The following EXT1 variants were observed in gnomAD, a reference collection of about 807,000 sequenced individuals.
EXT1 encodes exostosin-1.
In EXT1, 20 loss-of-function variants were observed where a neutral mutation model predicts 82.5. That is an observed-to-expected ratio of 0.24 (90% CI 0.17 to 0.35). The LOEUF is 0.35. EXT1 is among the 10% of genes least tolerant of loss of function. The probability of loss-of-function intolerance (pLI) is 1.00; values close to 1 mark genes in which losing one functional copy is unlikely to be tolerated. For missense variants in EXT1, 757 were observed against 936.5 expected (o/e 0.81, Z 2.50); for synonymous variants, 348 against 350.8 (o/e 0.99, Z 0.09).
At chr8:117,994,333 TG>T (rs976694714) in intron 1 of EXT1, among the ~76,000 whole-genome samples, 11 of 152,162 alleles carry the variant, frequency 7.2e-5, no homozygotes, top group African/African-American at 2.7e-4. Context: ...TTGGATCAGC[TG>T]GGCACAGTTG....
At chr8:117,986,195 T>C (rs200378479) in intron 1 of EXT1, among the ~76,000 whole-genome samples, 16 of 147,166 alleles carry the variant, frequency 1.1e-4, no homozygotes, top group African/African-American at 2.8e-4. Flanking sequence ...TTCTTTTTTT[T>C]TTTTTTTTTT....
intron 1 of EXT1, among the ~76,000 whole-genome samples, chr8:117,910,869 A>C (rs1292064038): frequency 1.3e-5 from 2 of 152,232 alleles, no homozygotes; most frequent in Non-Finnish European, 2.9e-5. Flanking sequence ...TGTCTCAGAA[A>C]TAGCTTTGCT....
At chr8:118,017,293 T>C (rs1394253518) in intron 1 of EXT1, among the ~76,000 whole-genome samples, 1 of 152,210 alleles carries the variant, frequency 6.6e-6, no homozygotes, top group African/African-American at 2.4e-5. Context: ...CCTGGGTTAA[T>C]AATAGAACAC....
intron 1 of EXT1, among the ~76,000 whole-genome samples, chr8:118,103,067 C>T (rs1429321012): frequency 1.3e-5 from 2 of 152,136 alleles, no homozygotes; most frequent in Admixed American, 6.5e-5. Context: ...GCAGGAGAAT[C>T]GCTTGAATCC....
chr8:117,886,308 C>A (rs1813147594), intron 1 of EXT1, among the ~76,000 whole-genome samples: 1 of 152,154 alleles, frequency 6.6e-6, no homozygotes, highest in Admixed American at 6.5e-5. Flanking sequence ...GCACTGAATT[C>A]ATTCTCATGG....
chr8:117,964,691 G>A (rs544404222), intron 1 of EXT1, among the ~76,000 whole-genome samples: 50 of 152,120 alleles, frequency 3.3e-4, no homozygotes, highest in Non-Finnish European at 6.2e-4. Flanking sequence ...CGGCTGGAGT[G>A]TAGTGGCATG....
intron 1 of EXT1, among the ~76,000 whole-genome samples, chr8:117,957,411 T>C (rs1239479553): frequency 1.3e-5 from 2 of 152,208 alleles, no homozygotes; most frequent in African/African-American, 4.8e-5. Flanking sequence ...ACTCCCTGAA[T>C]GGCAGTGAGT....
chr8:117,914,868 C>T (rs945576023), intron 1 of EXT1, among the ~76,000 whole-genome samples: 12 of 151,330 alleles, frequency 7.9e-5, no homozygotes, highest in Non-Finnish European at 1.3e-4. Context: ...TTGCCTTGTG[C>T]TCAGTAGTTC....
rs1379051628 is a variant in EXT1, at chr8:118,041,660, GAGAA to G, written c.962+68421_962+68424del. On this transcript the variant is annotated intron_variant, in intron 1 of 10. Coordinates refer to ENST00000378204, the MANE Select transcript of EXT1 (RefSeq NM_000127.3). ...TAAACAAGAAAAAGAAAGAAAGAGA[GAGAA>G]AGAAGGAAGGAAGGAAGGAAGGAAG... 6.3e-4 allele frequency among the ~76,000 whole-genome samples: 64 copies of G among 101,346 alleles called. 1 individual carries two copies. The highest frequency in any genetic ancestry group is 1.6e-3 in the African/African-American group (42 of 25,670). 66.5% of individuals were successfully genotyped at this position (101,346 alleles called of 152,430 possible).
chr8:117,847,232 A>C (rs1410260074), intron 1 of EXT1, among the ~76,000 whole-genome samples: 2 of 152,222 alleles, frequency 1.3e-5, no homozygotes, highest in Non-Finnish European at 2.9e-5. Flanking sequence ...TCATTACAAC[A>C]ATGTCCACTT....
chr8:118,060,469 G>C (rs1816864762), intron 1 of EXT1, among the ~76,000 whole-genome samples: 1 of 152,146 alleles, frequency 6.6e-6, no homozygotes, highest in Non-Finnish European at 1.5e-5. Flanking sequence ...TTACCACTCT[G>C]CATTCCACTC....
At chr8:117,899,296 G>C (rs983193415) in intron 1 of EXT1, among the ~76,000 whole-genome samples, 1 of 152,140 alleles carries the variant, frequency 6.6e-6, no homozygotes, top group Non-Finnish European at 1.5e-5. Context: ...TAGAAGTTGG[G>C]AGAAATATAA....
chr8:117,845,499 A>G (rs1356709631), intron 1 of EXT1, among the ~76,000 whole-genome samples: 2 of 152,198 alleles, frequency 1.3e-5, no homozygotes, highest in African/African-American at 2.4e-5. Context: ...GTAAAAGATG[A>G]CCATCTGAAT....
chr8:117,957,255 T>C (rs755620485), intron 1 of EXT1, among the ~76,000 whole-genome samples: 3 of 152,234 alleles, frequency 2.0e-5, no homozygotes, highest in Non-Finnish European at 4.4e-5. Flanking sequence ...GCTGATATTT[T>C]TGGAAGACTG....
chr8:118,068,282 G>A (rs1325444140), intron 1 of EXT1, among the ~76,000 whole-genome samples: 2 of 152,158 alleles, frequency 1.3e-5, no homozygotes, highest in African/African-American at 4.8e-5. Context: ...CAAAAATGTA[G>A]ACATGCTTTT....
chr8:117,975,527 A>G (rs528049836), intron 1 of EXT1, among the ~76,000 whole-genome samples: 2 of 152,172 alleles, frequency 1.3e-5, no homozygotes, highest in East Asian at 1.9e-4. Context: ...CCATCAAAAT[A>G]TATGTTTCTA....
chr8:118,095,472 G>A (rs1225351050), intron 1 of EXT1, among the ~76,000 whole-genome samples: 1 of 152,172 alleles, frequency 6.6e-6, no homozygotes, highest in Non-Finnish European at 1.5e-5. Context: ...CATTGCACTT[G>A]CATACTTAAA....
intron 1 of EXT1, among the ~76,000 whole-genome samples, chr8:118,046,595 C>T (rs1246722999): frequency 6.6e-6 from 1 of 152,174 alleles, no homozygotes; most frequent in Non-Finnish European, 1.5e-5. Context: ...GCCTCTGCTG[C>T]CTCTGAATTC....
intron 1 of EXT1, among the ~76,000 whole-genome samples, chr8:117,843,710 A>C (rs894545873): frequency 6.6e-6 from 1 of 152,126 alleles, no homozygotes; most frequent in Non-Finnish European, 1.5e-5. Flanking sequence ...ACATGGTACC[A>C]ATGGTGTTCT....
Sources: gnomAD v4.1 joint callset for allele counts (sites outside exome capture counted in the v4.1 genomes callset) on GRCh38, gnomAD v4.1.1 for gene constraint, MANE v1.5 for transcripts, NCBI Gene and HGNC (gene_info 2026-07-23, HGNC 2026-07-21) for gene names.